Variants in ARHGEF4 observed in about 807,000 individuals in gnomAD.
ARHGEF4 encodes the protein APC-stimulated guanine nucleotide exchange factor 1.
A neutral mutation model predicts 162.0 loss-of-function variants in ARHGEF4; 119 were observed. The observed-to-expected ratio is 0.73, with a 90% CI of 0.63 to 0.86. The LOEUF (loss-of-function observed/expected upper bound fraction) is 0.86, where lower values mean the gene tolerates loss of function less well. Among genes scored for constraint, ARHGEF4 ranks in the 40% least tolerant of loss-of-function variants. The probability of loss-of-function intolerance (pLI) is 0.00; values close to 1 mark genes in which losing one functional copy is unlikely to be tolerated. For synonymous variants in ARHGEF4, 1,014 were observed against 979.9 expected (o/e 1.03, Z -0.65); for missense variants, 2,488 against 2,456.0 (o/e 1.01, Z -0.28).
chr2:131,035,386 C>T, intron 5 of ARHGEF4: 3 of 912,360 alleles, frequency 3.3e-6, no homozygotes, highest in Non-Finnish European at 4.2e-6. Context: ...TGCTCACTAC[C>T]AGGGCCTGGT....
chr2:130,917,457 T>A lies in ARHGEF4; in HGVS notation c.3511T>A (p.Leu1171Met). Residue 1171 changes from leucine (L) to methionine (M), a missense_variant, in exon 2 of 14, where the codon TTG becomes ATG. Physicochemically the swap from Leu to Met is conservative, Grantham distance 15 (BLOSUM62 2). Around this residue, in one of 6 missense-constraint regions of ARHGEF4, gnomAD observed 1,642 missense variants for 1,481.5 expected, o/e 1.11. Coordinates refer to ENST00000409359, the MANE Select transcript of ARHGEF4 (RefSeq NM_001367493.1). Reference protein sequence around the residue: ...SREGGQGPRGLGTVPWLRDLP... With the variant: ...SREGGQGPRGMGTVPWLRDLP... Reference sequence around the variant, plus strand: ...GGAAGGAGGCCAGGGTCCGCGCGGCTTGGGCACAGTGCCCTGGCTCAGGGA... The same window carrying A: ...GGAAGGAGGCCAGGGTCCGCGCGGCATGGGCACAGTGCCCTGGCTCAGGGA... 6.4e-7 allele frequency: 1 copy of A among 1,550,526 alleles called. No homozygotes were observed. Among genetic ancestry groups the A allele is most frequent in the Non-Finnish European group, 8.7e-7 (1 of 1,146,986 alleles).
intron 4 of ARHGEF4, among the ~76,000 whole-genome samples, chr2:130,999,598 A>C (rs1377266776): frequency 6.6e-6 from 1 of 152,092 alleles, no homozygotes; most frequent in African/African-American, 2.4e-5. Context: ...CTTTTTGTAG[A>C]TGTGTTACTA....
chr2:131,033,871 G>A (rs553767360), intron 5 of ARHGEF4, among the ~76,000 whole-genome samples: 1 of 152,206 alleles, frequency 6.6e-6, no homozygotes, highest in African/African-American at 2.4e-5. Flanking sequence ...TTGTACATAG[G>A]CACATGCATG....
chr2:130,941,347 G>A (rs1683286808), intron 3 of ARHGEF4, among the ~76,000 whole-genome samples: 1 of 151,892 alleles, frequency 6.6e-6, no homozygotes, highest in South Asian at 2.1e-4. Flanking sequence ...AGGATTACGG[G>A]TGCATGCCAC....
At chr2:131,044,607 C>A (rs141399959) in intron 12 of ARHGEF4, 65 bp downstream of exon 12, 1 of 1,514,476 alleles carries the variant, frequency 6.6e-7, no homozygotes, top group South Asian at 1.3e-5. Flanking sequence ...CCTGCCTGGC[C>A]GCCTGCCGGT....
chr2:130,981,985 A>G (rs888501292), intron 4 of ARHGEF4, among the ~76,000 whole-genome samples: 1 of 152,184 alleles, frequency 6.6e-6, no homozygotes, highest in Non-Finnish European at 1.5e-5. Flanking sequence ...ACAGTAAAAA[A>G]GAATTGCCAA....
intron 1 of ARHGEF4, among the ~76,000 whole-genome samples, chr2:130,894,782 G>A (rs1367013515): frequency 1.3e-5 from 2 of 151,944 alleles, no homozygotes; most frequent in African/African-American, 2.4e-5. Context: ...CTCCTGTGGC[G>A]GGAGGTTGGG....
intron 1 of ARHGEF4, among the ~76,000 whole-genome samples, chr2:130,847,942 C>T (rs1339023613): frequency 6.6e-6 from 1 of 152,184 alleles, no homozygotes; most frequent in African/African-American, 2.4e-5. Context: ...GGGATTGGAG[C>T]TGGGCCGCTG....
chr2:131,037,737 A>AG (rs1690412476), intron 5 of ARHGEF4, among the ~76,000 whole-genome samples: 1 of 152,256 alleles, frequency 6.6e-6, no homozygotes. Flanking sequence ...TGGGAGAGGC[A>AG]GGGGAGCGTC....
intron 4 of ARHGEF4, among the ~76,000 whole-genome samples, chr2:131,005,132 G>A (rs945756812): frequency 3.9e-5 from 6 of 152,220 alleles, no homozygotes; most frequent in South Asian, 2.1e-4. Context: ...CCTGGGGTTT[G>A]CATTGATTTT....
chr2:130,970,587 CAAAAAAAA>C (rs57254908), intron 4 of ARHGEF4, among the ~76,000 whole-genome samples: 2 of 116,952 alleles, frequency 1.7e-5, no homozygotes, highest in African/African-American at 6.3e-5. Context: ...GAAACTCCAT[CAAAAAAAA>C]AAAAAAAAAA....
intron 1 of ARHGEF4, among the ~76,000 whole-genome samples, chr2:130,857,100 C>A (rs187832553): frequency 2.0e-4 from 30 of 152,036 alleles, no homozygotes; most frequent in Admixed American, 2.0e-3. Flanking sequence ...GGCGTGGTGG[C>A]GGGTGCCTGT....
chr2:130,851,048 C>T (rs1681374734), intron 1 of ARHGEF4, among the ~76,000 whole-genome samples: 1 of 152,276 alleles, frequency 6.6e-6, no homozygotes, highest in Non-Finnish European at 1.5e-5. Flanking sequence ...AACCAGCCTG[C>T]TGGGTCCCCT....
At chr2:131,007,106 A>G (rs182740123) in intron 4 of ARHGEF4, among the ~76,000 whole-genome samples, 2 of 152,378 alleles carry the variant, frequency 1.3e-5, no homozygotes, top group African/African-American at 4.8e-5. Context: ...GGCGTTTGTC[A>G]TGGAGACTGC....
intron 1 of ARHGEF4, among the ~76,000 whole-genome samples, chr2:130,877,324 C>G (rs943515460): frequency 6.6e-6 from 1 of 152,156 alleles, no homozygotes; most frequent in Non-Finnish European, 1.5e-5. Flanking sequence ...ATTTAGTGTA[C>G]ACAACATGTT....
At chr2:130,981,197 A>G (rs939887738) in intron 4 of ARHGEF4, among the ~76,000 whole-genome samples, 4 of 152,220 alleles carry the variant, frequency 2.6e-5, no homozygotes, top group Non-Finnish European at 5.9e-5. Flanking sequence ...CTGAAGACCA[A>G]ACAAAGATAG....
chr2:131,031,093 T>C (rs1421944756), intron 5 of ARHGEF4, among the ~76,000 whole-genome samples: 1 of 152,216 alleles, frequency 6.6e-6, no homozygotes, highest in Non-Finnish European at 1.5e-5. Flanking sequence ...TCTAAGAATA[T>C]GTAGGGGCTA....
At chr2:130,894,250 G>A (rs1049608087) in intron 1 of ARHGEF4, among the ~76,000 whole-genome samples, 1 of 152,156 alleles carries the variant, frequency 6.6e-6, no homozygotes, top group Non-Finnish European at 1.5e-5. Flanking sequence ...TTCTGGATGC[G>A]CTCACCCATG....
intron 1 of ARHGEF4, among the ~76,000 whole-genome samples, chr2:130,893,516 A>G (rs1395653705): frequency 1.3e-5 from 2 of 152,178 alleles, no homozygotes; most frequent in Admixed American, 6.5e-5. Flanking sequence ...TGTGCCTGCC[A>G]TGACTCTTTT....
Sources: allele counts gnomAD v4.1 joint callset (sites outside exome capture counted in the v4.1 genomes callset), GRCh38; gene constraint gnomAD v4.1.1; regional missense constraint gnomAD v4.1.1; transcripts MANE v1.5; gene names NCBI Gene and HGNC (gene_info 2026-07-23, HGNC 2026-07-21).